TRAPPC9: variants seen among roughly 807,000 people sequenced by gnomAD.
The protein encoded by TRAPPC9 is IKK2 binding protein.
Under a neutral mutation model 124.0 loss-of-function variants are expected in TRAPPC9, and 83 were observed. The observed-to-expected ratio is 0.67, with a 90% CI of 0.56 to 0.80. TRAPPC9 has a LOEUF of 0.80. Ranked by LOEUF, TRAPPC9 falls within the 30% of genes least tolerant of loss-of-function variation. The pLI is 0.00. For synonymous variants in TRAPPC9, 638 were observed against 617.5 expected, an observed-to-expected ratio of 1.03 and a Z score of -0.49; for missense variants, 1,302 against 1,508.3, an observed-to-expected ratio of 0.86 and a Z score of 2.27.
intron 11 of TRAPPC9, among the ~76,000 whole-genome samples, chr8:140,294,877 A>G (rs1649485398): frequency 6.6e-6 from 1 of 152,102 alleles, no homozygotes; most frequent in African/African-American, 2.4e-5. Flanking sequence ...CTCCCAGAGT[A>G]CTAGAATTAC....
intron 4 of TRAPPC9, among the ~76,000 whole-genome samples, chr8:140,432,033 T>C (rs929949594): frequency 1.1e-4 from 16 of 152,166 alleles, no homozygotes; most frequent in African/African-American, 3.1e-4. Flanking sequence ...TATCCAAATA[T>C]AATGGGCATA....
Position 140,457,698 on chromosome 8 carries a change from G to A in TRAPPC9, c.-70C>T, listed in dbSNP as rs1206249355. The stretch of plus-strand genomic sequence containing the variant: ...ACGACCTGGCGGGCAGCGGGGCCGA[G>A]CAGCCTCTGCGGCCACTTCCCAGGC... On this transcript the variant is annotated 5_prime_UTR_variant, in exon 1 of 23. Coordinates refer to ENST00000438773, the MANE Select transcript of TRAPPC9 (RefSeq NM_001160372.4). 7.1e-6 allele frequency: 7 copies of A among 987,624 alleles called. No individual in the cohort carries two copies. Among genetic ancestry groups the A allele is most frequent in the East Asian group, 1.1e-4 (1 of 8,812 alleles). 61.2% of individuals were successfully genotyped at this position (987,624 alleles called of 1,614,324 possible). A position where few individuals can be genotyped will look rare whatever the true frequency, so the allele number is the denominator to read the frequency against.
intron 19 of TRAPPC9, among the ~76,000 whole-genome samples, chr8:139,939,871 C>G (rs1014975533): frequency 6.6e-6 from 1 of 152,242 alleles, no homozygotes; most frequent in Non-Finnish European, 1.5e-5. Context: ...GAGGCAGGTG[C>G]AGGTCTCATC....
chr8:140,110,109 G>A (rs1443235207), intron 17 of TRAPPC9, among the ~76,000 whole-genome samples: 1 of 151,374 alleles, frequency 6.6e-6, no homozygotes, highest in Non-Finnish European at 1.5e-5. Flanking sequence ...GGGCCGCAGT[G>A]GTTGCTCCCC....
chr8:140,341,465 A>G (rs1216484903), intron 9 of TRAPPC9, among the ~76,000 whole-genome samples: 1 of 152,214 alleles, frequency 6.6e-6, no homozygotes, highest in East Asian at 1.9e-4. Flanking sequence ...GAAACCTTCA[A>G]GTACATAAGT....
At position 140,252,961 on chromosome 8, in the gene TRAPPC9, G is replaced by T; in HGVS notation, c.2279-32C>A. The T allele has an allele frequency of 6.2e-7, 1 of 1,610,176 alleles. No individual in the cohort carries two copies. Among genetic ancestry groups the T allele is most frequent in the Non-Finnish European group, 8.5e-7 (1 of 1,177,786 alleles). On this transcript the variant is annotated intron_variant, in intron 15 of 22. Coordinates refer to ENST00000438773, the MANE Select transcript of TRAPPC9 (RefSeq NM_001160372.4). This position sits in a 1 kb window ranked among gnomAD's most constrained non-coding sequence, Gnocchi z 4.2. The stretch of plus-strand genomic sequence containing the variant: ...TAATAACAATGACAGTGATGAGGAT[G>T]CTGTAACTGAGGCAGTATGGGACTT...
At chr8:140,278,902 A>G (rs960047350) in intron 14 of TRAPPC9, among the ~76,000 whole-genome samples, 4 of 152,194 alleles carry the variant, frequency 2.6e-5, no homozygotes, top group African/African-American at 9.7e-5. Flanking sequence ...GCCATCTGAC[A>G]CTGCTTCGCA....
At chr8:140,138,106 G>A (rs1383110125) in intron 17 of TRAPPC9, among the ~76,000 whole-genome samples, 3 of 152,206 alleles carry the variant, frequency 2.0e-5, no homozygotes, top group Non-Finnish European at 4.4e-5. Flanking sequence ...TTTGAGATCA[G>A]CCTGACCAAC....
intron 15 of TRAPPC9, among the ~76,000 whole-genome samples, chr8:140,258,064 C>T (rs770622114): frequency 1.2e-4 from 19 of 152,214 alleles, no homozygotes; most frequent in Non-Finnish European, 2.4e-4. Flanking sequence ...CATGGTCTGA[C>T]AGAGGAGGCA....
chr8:140,187,236 A>G (rs1405321737), intron 17 of TRAPPC9, among the ~76,000 whole-genome samples: 3 of 152,214 alleles, frequency 2.0e-5, no homozygotes, highest in Non-Finnish European at 4.4e-5. Flanking sequence ...CTGACTTGTC[A>G]TATACACAGG....
At chr8:139,881,590 G>A (rs140615643) in intron 21 of TRAPPC9, among the ~76,000 whole-genome samples, 6 of 151,894 alleles carry the variant, frequency 4.0e-5, no homozygotes, top group East Asian at 3.9e-4. Flanking sequence ...GAAGTGCTGC[G>A]TCTCAAACCA....
At chr8:140,211,310 G>A (rs977249382) in intron 17 of TRAPPC9, among the ~76,000 whole-genome samples, 2 of 152,200 alleles carry the variant, frequency 1.3e-5, no homozygotes, top group Admixed American at 6.5e-5. Context: ...TGTAATTCCA[G>A]CACTTTGGTA....
At chr8:140,384,637 C>T (rs917786097) in intron 7 of TRAPPC9, among the ~76,000 whole-genome samples, 2 of 152,196 alleles carry the variant, frequency 1.3e-5, no homozygotes, top group African/African-American at 4.8e-5. Flanking sequence ...AATATACATG[C>T]ACCCAATACA....
At chr8:140,092,577 C>G (rs1844645318) in intron 17 of TRAPPC9, among the ~76,000 whole-genome samples, 1 of 152,138 alleles carries the variant, frequency 6.6e-6, no homozygotes. Flanking sequence ...GTAACTTATC[C>G]AAGGGCACAC....
intron 9 of TRAPPC9, among the ~76,000 whole-genome samples, chr8:140,323,572 AACTG>A (rs1280024788): frequency 1.3e-5 from 2 of 152,176 alleles, no homozygotes; most frequent in Non-Finnish European, 1.5e-5. Context: ...TCTGTTGGAA[AACTG>A]ACTGACTGGT....
chr8:140,214,919 C>T (rs1189889832), intron 17 of TRAPPC9, among the ~76,000 whole-genome samples: 1 of 152,158 alleles, frequency 6.6e-6, no homozygotes, highest in Non-Finnish European at 1.5e-5. Context: ...TACACCATTC[C>T]TCGGTGATAG....
chr8:139,851,554 G>T (rs1216858926), intron 21 of TRAPPC9, among the ~76,000 whole-genome samples: 1 of 152,116 alleles, frequency 6.6e-6, no homozygotes, highest in Non-Finnish European at 1.5e-5. Flanking sequence ...ATCAGAGCAG[G>T]TCCCTGAACT....
chr8:140,287,871 T>A (rs894044445), intron 12 of TRAPPC9, 137 bp from the exon 13 acceptor site: 2 of 1,263,434 alleles, frequency 1.6e-6, no homozygotes, highest in African/African-American at 2.9e-5. Flanking sequence ...ACAGAGAACT[T>A]CGGAGACAGT....
intron 17 of TRAPPC9, chr8:140,095,205 G>A (rs1217785386): frequency 6.6e-6 from 1 of 152,244 alleles, no homozygotes; most frequent in Admixed American, 6.5e-5. Context: ...TCAACGCCAT[G>A]GCCGGCAGTT....
Sources: gnomAD v4.1 joint callset for allele counts (sites outside exome capture counted in the v4.1 genomes callset) on GRCh38, gnomAD v4.1.1 for gene constraint, Gnocchi (gnomAD v3.1) non-coding constraint, MANE v1.5 for transcripts, NCBI Gene and HGNC (gene_info 2026-07-23, HGNC 2026-07-21) for gene names.